Variants in DLG2 observed in about 807,000 individuals in gnomAD.
The protein encoded by DLG2 is discs large MAGUK scaffold protein 2.
A neutral mutation model predicts 132.5 loss-of-function variants in DLG2; 45 were observed. The ratio of observed to expected loss-of-function variants is 0.34; its 90% CI spans 0.27 to 0.44. The LOEUF (loss-of-function observed/expected upper bound fraction) is 0.44, where lower values mean the gene tolerates loss of function less well. Among genes scored for constraint, DLG2 ranks in the 20% least tolerant of loss-of-function variants. The probability of loss-of-function intolerance (pLI) is 1.00; values close to 1 mark genes in which losing one functional copy is unlikely to be tolerated. For missense variants in DLG2, 1,045 were observed against 1,196.9 expected, an observed-to-expected ratio of 0.87 and a Z score of 1.87; for synonymous variants, 424 against 419.6, an observed-to-expected ratio of 1.01 and a Z score of -0.13.
At chr11:84,906,886 G>A (rs1337973788) in intron 6 of DLG2, among the ~76,000 whole-genome samples, 1 of 152,158 alleles carries the variant, frequency 6.6e-6, no homozygotes, top group East Asian at 1.9e-4. Context: ...TGTTGTAGAT[G>A]TTTAATGCTA....
intron 6 of DLG2, among the ~76,000 whole-genome samples, chr11:84,859,979 C>G (rs2083395749): frequency 6.6e-6 from 1 of 152,038 alleles, no homozygotes; most frequent in African/African-American, 2.4e-5. Flanking sequence ...GTACACTGTC[C>G]CTCACATTAT....
intron 3 of DLG2, among the ~76,000 whole-genome samples, chr11:85,551,987 C>T (rs1484673217): frequency 6.8e-6 from 1 of 146,750 alleles, no homozygotes; most frequent in Non-Finnish European, 1.5e-5. Context: ...ACCCCTAAGG[C>T]CTTGAGATCA....
chr11:84,784,889 G>A (rs1201143715), intron 6 of DLG2, among the ~76,000 whole-genome samples: 1 of 152,036 alleles, frequency 6.6e-6, no homozygotes, highest in African/African-American at 2.4e-5. Flanking sequence ...TGTACAACAT[G>A]TTGACTATAG....
Position 83,752,006 on chromosome 11 carries a change from C to T in DLG2, c.1825+34684G>A, listed in dbSNP as rs771700374. On this transcript the variant is annotated intron_variant, in intron 18 of 27. Coordinates refer to ENST00000376104, the MANE Select transcript of DLG2 (RefSeq NM_001142699.3). ...GGACTTGCCTGGCTGCGGTGGCTCACGCCTGTAATCCCAGCACTTCGGGAG... is the reference window on the plus strand; with the variant it reads ...GGACTTGCCTGGCTGCGGTGGCTCATGCCTGTAATCCCAGCACTTCGGGAG... 1.6e-4 allele frequency among the ~76,000 whole-genome samples: 24 copies of T among 152,190 alleles called. 1 individual carries two copies. The highest frequency in any genetic ancestry group is 2.6e-4 in the Non-Finnish European group (18 of 68,034).
chr11:84,230,926 A>C (rs1336436813), intron 8 of DLG2, among the ~76,000 whole-genome samples: 5 of 152,230 alleles, frequency 3.3e-5, no homozygotes, highest in African/African-American at 1.2e-4. Context: ...AAACTTCTTC[A>C]TGAAGGATAC....
At chr11:85,422,980 T>TG (rs397756223) in intron 3 of DLG2, among the ~76,000 whole-genome samples, 1 of 151,672 alleles carries the variant, frequency 6.6e-6, no homozygotes, top group Non-Finnish European at 1.5e-5. Flanking sequence ...CCATTTTTTT[T>TG]GAGCTAGTGT....
intron 21 of DLG2, among the ~76,000 whole-genome samples, chr11:83,498,604 C>G (rs886277801): frequency 6.7e-6 from 1 of 149,864 alleles, no homozygotes; most frequent in Non-Finnish European, 1.5e-5. Context: ...AAAAAAAGAT[C>G]CAAAGGAATA....
chr11:84,247,964 G>A (rs1431942464), intron 8 of DLG2, among the ~76,000 whole-genome samples: 5 of 152,092 alleles, frequency 3.3e-5, no homozygotes, highest in South Asian at 4.1e-4. Flanking sequence ...ATGTTCTTAC[G>A]CAACATGACT....
intron 21 of DLG2, among the ~76,000 whole-genome samples, chr11:83,510,347 A>G (rs11233649): frequency 9.9e-5 from 15 of 151,916 alleles, no homozygotes; most frequent in African/African-American, 3.1e-4. Flanking sequence ...AGACTCAGAG[A>G]GTAAGAGGTC....
At chr11:85,196,998 T>C (rs1019177234) in intron 4 of DLG2, among the ~76,000 whole-genome samples, 3 of 152,178 alleles carry the variant, frequency 2.0e-5, no homozygotes, top group Admixed American at 2.0e-4. Context: ...CACAACAGAA[T>C]AGCTACATTT....
intron 6 of DLG2, among the ~76,000 whole-genome samples, chr11:84,726,208 T>A (rs2062432316): frequency 1.3e-5 from 2 of 152,148 alleles, no homozygotes; most frequent in Non-Finnish European, 2.9e-5. Context: ...GGTGGTTTGC[T>A]GCAACCATCA....
chr11:84,626,885 T>C (rs2099623684), intron 6 of DLG2, among the ~76,000 whole-genome samples: 1 of 151,604 alleles, frequency 6.6e-6, no homozygotes, highest in Non-Finnish European at 1.5e-5. Flanking sequence ...TTTTATTTTA[T>C]TTTTGAGATG....
At chr11:85,136,105 T>A (rs1205184248) in intron 5 of DLG2, among the ~76,000 whole-genome samples, 2 of 152,166 alleles carry the variant, frequency 1.3e-5, no homozygotes, top group African/African-American at 4.8e-5. Flanking sequence ...AATAAATACA[T>A]CCAATAAAAG....
At chr11:83,819,277 C>T (rs1235600087) in intron 17 of DLG2, among the ~76,000 whole-genome samples, 1 of 151,698 alleles carries the variant, frequency 6.6e-6, no homozygotes, top group East Asian at 1.9e-4. Flanking sequence ...CGAGACCAGC[C>T]TGGCCAACAT....
chr11:84,083,278 T>C (rs947609466), intron 10 of DLG2, among the ~76,000 whole-genome samples: 3 of 152,104 alleles, frequency 2.0e-5, no homozygotes, highest in Non-Finnish European at 2.9e-5. Context: ...AGACTCCATC[T>C]TGGAAAATAA....
At chr11:84,994,134 G>A (rs939025491) in intron 6 of DLG2, among the ~76,000 whole-genome samples, 1 of 152,172 alleles carries the variant, frequency 6.6e-6, no homozygotes, top group African/African-American at 2.4e-5. Context: ...GGCTCTTTCT[G>A]TCAACATTTG....
chr11:84,430,179 T>G (rs915763328), intron 7 of DLG2, among the ~76,000 whole-genome samples: 2 of 152,146 alleles, frequency 1.3e-5, no homozygotes, highest in African/African-American at 4.8e-5. Context: ...GGTTCACACC[T>G]GTAATCCCAG....
At chr11:84,073,661 C>T (rs1227548653) in intron 10 of DLG2, among the ~76,000 whole-genome samples, 2 of 152,116 alleles carry the variant, frequency 1.3e-5, no homozygotes, top group Non-Finnish European at 2.9e-5. Flanking sequence ...TAAACTTTAG[C>T]GGTTAGGCTT....
intron 6 of DLG2, among the ~76,000 whole-genome samples, chr11:84,556,359 G>A (rs1196603909): frequency 6.6e-6 from 1 of 152,066 alleles, no homozygotes; most frequent in Non-Finnish European, 1.5e-5. Context: ...CCTAACATGT[G>A]TTTAGTCTTT....
Sources: allele counts gnomAD v4.1 joint callset (sites outside exome capture counted in the v4.1 genomes callset), GRCh38; gene constraint gnomAD v4.1.1; transcripts MANE v1.5; gene names NCBI Gene and HGNC (gene_info 2026-07-23, HGNC 2026-07-21).